TMEM74: variants seen among roughly 807,000 people sequenced by gnomAD.
The protein encoded by TMEM74 is transmembrane protein 74.
A neutral mutation model predicts 18.1 loss-of-function variants in TMEM74; 13 were observed. That is an observed-to-expected ratio of 0.72 (90% CI 0.47 to 1.14). TMEM74 has a LOEUF of 1.14. Among genes scored for constraint, TMEM74 ranks in the 50% most tolerant of loss-of-function variants. TMEM74 has a pLI of 0.00. For synonymous variants in TMEM74, 159 were observed against 146.6 expected, an observed-to-expected ratio of 1.08 and a Z score of -0.61; for missense variants, 372 against 375.9, an observed-to-expected ratio of 0.99 and a Z score of 0.09.
intron 2 of TMEM74, among the ~76,000 whole-genome samples, chr8:108,620,070 T>A (rs1182634800): frequency 6.6e-6 from 1 of 152,192 alleles, no homozygotes; most frequent in Non-Finnish European, 1.5e-5. Flanking sequence ...AATTATTTAT[T>A]TACCTTGCTA....
chr8:108,668,891 T>C (rs192004106), intron 1 of TMEM74, among the ~76,000 whole-genome samples: 166 of 151,924 alleles, frequency 1.1e-3, no homozygotes, highest in Non-Finnish European at 1.7e-3. Flanking sequence ...TCCTAAAGCA[T>C]TGGAGAAGCT....
At chr8:108,704,267 T>C (rs77532233) in intron 1 of TMEM74, among the ~76,000 whole-genome samples, 4,472 of 152,316 alleles carry the variant, frequency 0.029, 122 homozygotes, top group African/African-American at 0.066. Flanking sequence ...ATATTTTCAT[T>C]GTTCCTATGC....
chr8:108,743,149 C>A (rs1813818206), intron 1 of TMEM74, among the ~76,000 whole-genome samples: 1 of 152,148 alleles, frequency 6.6e-6, no homozygotes, highest in South Asian at 2.1e-4. Context: ...GGCTAAGCCT[C>A]AATTAATCCA....
chr8:108,657,262 G>C (rs982056173), intron 1 of TMEM74, among the ~76,000 whole-genome samples: 1 of 151,984 alleles, frequency 6.6e-6, no homozygotes, highest in African/African-American at 2.4e-5. Context: ...TAACTACCAT[G>C]GTGTTATTCA....
chr8:108,629,392 C>G (rs1268864639), intron 2 of TMEM74, among the ~76,000 whole-genome samples: 1 of 152,016 alleles, frequency 6.6e-6, no homozygotes, highest in Non-Finnish European at 1.5e-5. Flanking sequence ...AGAATGGAAC[C>G]AAGTTGGAAA....
In TMEM74 at chr8:108,718,125, A is replaced by AT. The variant is rs759999213; in HGVS notation, n.120-62689dup. ...AGGCGCCCGCCACTACGCCCGGCTA[A>AT]TTTTTTGTATTTTTAGTAGAGACGG... On this transcript the variant is annotated intron_variant and non_coding_transcript_variant, in intron 1 of 3. Coordinates refer to the TMEM74 transcript ENST00000518838. 9.3e-5 allele frequency among the ~76,000 whole-genome samples: 10 copies of AT among 107,692 alleles called. 1 individual carries two copies. Among genetic ancestry groups the AT allele is most frequent in the Non-Finnish European group, 1.7e-4 (10 of 59,842 alleles). The allele number at this position is 107,692 out of a possible 152,430, so 70.7% of individuals were successfully genotyped here.
chr8:108,758,214 C>A (rs1814000359), intron 1 of TMEM74, among the ~76,000 whole-genome samples: 1 of 151,810 alleles, frequency 6.6e-6, no homozygotes, highest in East Asian at 1.9e-4. Context: ...CAAAACAGAA[C>A]AAATACATTT....
At chr8:108,640,494 T>C (rs1812653075) in intron 2 of TMEM74, among the ~76,000 whole-genome samples, 1 of 152,152 alleles carries the variant, frequency 6.6e-6, no homozygotes, top group Admixed American at 6.5e-5. Flanking sequence ...ATTTTGATTA[T>C]ATGTTTAAAA....
At chr8:108,676,413 A>G (rs1257528100) in intron 1 of TMEM74, among the ~76,000 whole-genome samples, 1 of 152,092 alleles carries the variant, frequency 6.6e-6, no homozygotes, top group Non-Finnish European at 1.5e-5. Flanking sequence ...TCTGGGCCTC[A>G]AACATACCAG....
intron 2 of TMEM74, among the ~76,000 whole-genome samples, chr8:108,642,336 T>C (rs1168313686): frequency 6.7e-6 from 1 of 150,120 alleles, no homozygotes; most frequent in Non-Finnish European, 1.5e-5. Context: ...GAGGCGGAGG[T>C]TGCAGTCAGC....
intron 3 of TMEM74, among the ~76,000 whole-genome samples, chr8:108,608,549 T>G (rs943959183): frequency 3.9e-5 from 6 of 152,184 alleles, no homozygotes; most frequent in Non-Finnish European, 5.9e-5. Flanking sequence ...GAGTAGAGTT[T>G]CTATGCAAAT....
chr8:108,782,061 G>GT lies in TMEM74; in HGVS notation c.*2119dup, dbSNP rs1328846410. On this transcript the variant is annotated 3_prime_UTR_variant, in exon 2 of 2. Transcript: ENST00000297459. Reference sequence around the variant, plus strand: ...ATTTAGCTTCTATGAATAAACATTAGTTTTTTCTTTAATGCCTTCTTTTTT... The same window carrying GT: ...ATTTAGCTTCTATGAATAAACATTAGTTTTTTTCTTTAATGCCTTCTTTTTT... Among the ~76,000 whole-genome samples, 1 of 151,960 alleles carries GT rather than the reference G, an allele frequency of 6.6e-6. No homozygotes were observed. The highest frequency in any genetic ancestry group is 1.5e-5 in the Non-Finnish European group (1 of 67,992).
In TMEM74 at chr8:108,608,309, AAAAAAG is replaced by A. The variant is rs369567239; in HGVS notation, n.339+437_339+442del. Among the ~76,000 whole-genome samples, 919 of 97,252 alleles carry A rather than the reference AAAAAAG, an allele frequency of 9.4e-3. 6 individuals are homozygous for A. The highest frequency in any genetic ancestry group is 0.021 in the African/African-American group (594 of 28,248). The allele number at this position is 97,252 out of a possible 152,430, so 63.8% of individuals were successfully genotyped here. A position where few individuals can be genotyped will look rare whatever the true frequency, so the allele number is the denominator to read the frequency against. ...GAGCAAGACTCTGTCAAAAAAAAAA[AAAAAAG>A]AAAAAAAGAAAAAAAAAGAACTAGA... On this transcript the variant is annotated intron_variant and non_coding_transcript_variant, in intron 3 of 3. Transcript: ENST00000518838.
At chr8:108,719,344 A>G (rs554384293) in intron 1 of TMEM74, among the ~76,000 whole-genome samples, 16 of 152,210 alleles carry the variant, frequency 1.1e-4, no homozygotes, top group African/African-American at 3.4e-4. Context: ...CATTCTCACA[A>G]AAGTGTTTAA....
intron 2 of TMEM74, among the ~76,000 whole-genome samples, chr8:108,613,307 G>C (rs1353416788): frequency 1.3e-5 from 2 of 152,146 alleles, no homozygotes; most frequent in Non-Finnish European, 1.5e-5. Flanking sequence ...TCCAGCCAGG[G>C]CTGCCCCCAA....
chr8:108,647,777 G>A lies in TMEM74; in HGVS notation n.264+7516C>T, dbSNP rs571932280. ...AAGAAGCTTATGGTCTAGGATGAAAGGCAAGAAGATAAACAGGTGATTTCA... is the reference window on the plus strand; with the variant it reads ...AAGAAGCTTATGGTCTAGGATGAAAAGCAAGAAGATAAACAGGTGATTTCA... On this transcript the variant is annotated intron_variant and non_coding_transcript_variant, in intron 2 of 3. Coordinates refer to the TMEM74 transcript ENST00000518838. Among the ~76,000 whole-genome samples, 13 of 152,156 alleles carry A rather than the reference G, an allele frequency of 8.5e-5. No individual in the cohort carries two copies. The South Asian group carries it at 2.3e-3, about 27-fold the overall frequency.
chr8:108,763,833 C>T (rs1475881638), intron 1 of TMEM74, among the ~76,000 whole-genome samples: 1 of 152,130 alleles, frequency 6.6e-6, no homozygotes, highest in Non-Finnish European at 1.5e-5. Flanking sequence ...TTTGCATAGT[C>T]TCAGGATTAA....
intron 1 of TMEM74, among the ~76,000 whole-genome samples, chr8:108,657,842 C>CAAAA (rs1157229913): frequency 4.8e-4 from 8 of 16,676 alleles, no homozygotes; most frequent in Admixed American, 1.1e-3. Flanking sequence ...GACACCGTCT[C>CAAAA]AAAAAAAAAA....
At chr8:108,627,657 G>C (rs1460623044) in intron 2 of TMEM74, among the ~76,000 whole-genome samples, 2 of 151,956 alleles carry the variant, frequency 1.3e-5, no homozygotes, top group East Asian at 3.9e-4. Flanking sequence ...GGTCACTAAA[G>C]GAATACTTCA....
Sources: gnomAD v4.1 joint callset for allele counts (sites outside exome capture counted in the v4.1 genomes callset) on GRCh38, gnomAD v4.1.1 for gene constraint, MANE v1.5 for transcripts, NCBI Gene and HGNC (gene_info 2026-07-23, HGNC 2026-07-21) for gene names.